VPS53: variants seen among roughly 807,000 people sequenced by gnomAD.
The protein encoded by VPS53 is VPS53 subunit of GARP complex.
VPS53 carries 70 observed loss-of-function variants against 107.0 expected under a neutral mutation model. That is an observed-to-expected ratio of 0.65 (90% CI 0.54 to 0.80). The LOEUF is 0.80. VPS53 is among the 30% of genes least tolerant of loss of function. The probability of loss-of-function intolerance (pLI) is 0.00; values close to 1 mark genes in which losing one functional copy is unlikely to be tolerated. For synonymous variants in VPS53, 409 were observed against 393.3 expected (o/e 1.04, Z -0.47); for missense variants, 917 against 1,049.4 (o/e 0.87, Z 1.74).
rs184824663 is a variant in VPS53 at position 523,866 on chromosome 17, G to A, written c.2086-2128C>T. Among the ~76,000 whole-genome samples the A allele has an allele frequency of 1.9e-3, 294 of 152,308 alleles. 2 individuals are homozygous for A. Among genetic ancestry groups the A allele is most frequent in the African/African-American group, 6.9e-3 (285 of 41,566 alleles). ...GGGGGAATGGCACTGATTGCTCAAG[G>A]CCCACGTGAAGAGCCTGGCGTTAGC... is the stretch of plus-strand genomic sequence containing the variant. On this transcript the variant is annotated intron_variant, in intron 19 of 21. Transcript: ENST00000437048.
rs1008462074 is a variant in VPS53, at chr17:560,454, G to A, written c.1676C>T (p.Ala559Val). 2 of 1,612,504 alleles carry A rather than the reference G, an allele frequency of 1.2e-6. No individual in the cohort carries two copies. Among genetic ancestry groups the A allele is most frequent in the African/African-American group, 2.7e-5 (2 of 74,884 alleles). ...CTGGGTGGTGGCCAGACAGTACTCTGCCGTGCTCAGGATGTTACAGATGAG... is the reference window on the plus strand; with the variant it reads ...CTGGGTGGTGGCCAGACAGTACTCTACCGTGCTCAGGATGTTACAGATGAG... ...LCLICNILST[A>V]EYCLATTQQL... The change falls in exon 15 of 22, where the codon GCA (alanine) becomes GTA (valine). Residue 559 changes from alanine to valine, a missense_variant. Physicochemically the swap from Ala to Val is moderately conservative, Grantham distance 64. Transcript: ENST00000437048.
intron 12 of VPS53, among the ~76,000 whole-genome samples, chr17:601,367 C>A (rs148476057): frequency 6.6e-6 from 1 of 152,196 alleles, no homozygotes; most frequent in African/African-American, 2.4e-5. Flanking sequence ...GGCTTCCAGA[C>A]CTAAAGTGAT....
chr17:668,953 A>G (rs1395499288), intron 4 of VPS53, among the ~76,000 whole-genome samples: 1 of 152,206 alleles, frequency 6.6e-6, no homozygotes, highest in African/African-American at 2.4e-5. Flanking sequence ...TCTCCAAGAT[A>G]GATAAACTAT....
intron 11 of VPS53, among the ~76,000 whole-genome samples, chr17:618,533 T>C (rs1422176972): frequency 6.6e-6 from 1 of 151,040 alleles, no homozygotes; most frequent in Admixed American, 6.6e-5. Context: ...CCTGGGTAGC[T>C]GGGACTACAG....
In VPS53 at chr17:517,220, G is replaced by A. The variant is rs540121807; in HGVS notation, c.*1908C>T. The A allele has an allele frequency of 5.5e-5, 21 of 381,060 alleles. No homozygotes were observed. Among genetic ancestry groups the A allele is most frequent in the Non-Finnish European group, 8.8e-5 (19 of 215,610 alleles). The allele number at this position is 381,060 out of a possible 1,614,324, so 23.6% of individuals were successfully genotyped here. On this transcript the variant is annotated 3_prime_UTR_variant, in exon 22 of 22. Transcript: ENST00000437048. ...CTTTTCCTAATAGACCTCAACTGAAGGCCGCATCTCCTTCTCGCAACACTT... is the reference window on the plus strand; with the variant it reads ...CTTTTCCTAATAGACCTCAACTGAAAGCCGCATCTCCTTCTCGCAACACTT...
chr17:655,549 ACTCTGT>A (rs1971155971), intron 6 of VPS53, among the ~76,000 whole-genome samples: 1 of 151,398 alleles, frequency 6.6e-6, no homozygotes, highest in Admixed American at 6.6e-5. Flanking sequence ...GCCCTGTGTC[ACTCTGT>A]CTGCCTTGAT....
chr17:577,450 C>A lies in VPS53; in HGVS notation c.1313+8820G>T, dbSNP rs970564041. Among the ~76,000 whole-genome samples, 3 of 151,650 alleles carry A rather than the reference C, an allele frequency of 2.0e-5. No individual in the cohort carries two copies. In the East Asian group the frequency reaches 5.8e-4, roughly 30 times the overall value. On this transcript the variant is annotated intron_variant, in intron 13 of 21. Coordinates refer to ENST00000437048, the MANE Select transcript of VPS53 (RefSeq NM_001128159.3). ...TAATGCGTTCCCAGAGAACCCCCAA[C>A]AGAATCTCAGTGCATTACCAGAAAA...
chr17:550,504 G>A (rs898786433), intron 17 of VPS53, among the ~76,000 whole-genome samples: 12 of 152,140 alleles, frequency 7.9e-5, no homozygotes, highest in African/African-American at 2.7e-4. Flanking sequence ...AAAGGAACAT[G>A]GCTGTATTCC....
intron 4 of VPS53, among the ~76,000 whole-genome samples, chr17:676,786 A>G (rs911335221): frequency 3.3e-5 from 5 of 152,168 alleles, no homozygotes; most frequent in African/African-American, 4.8e-5. Flanking sequence ...TTCTAAGGTC[A>G]GGAAGGAAAC....
At chr17:670,765 AG>A (rs1656703644) in intron 4 of VPS53, among the ~76,000 whole-genome samples, 1 of 152,192 alleles carries the variant, frequency 6.6e-6, no homozygotes, top group South Asian at 2.1e-4. Flanking sequence ...GAAGGAGGAA[AG>A]GTTGTTCATT....
At chr17:531,599 A>C (rs1038092363) in intron 19 of VPS53, among the ~76,000 whole-genome samples, 4 of 151,514 alleles carry the variant, frequency 2.6e-5, no homozygotes, top group African/African-American at 9.7e-5. Context: ...GGATTCAAAG[A>C]ATCCTCCGAC....
chr17:639,168 G>A (rs904784023), intron 7 of VPS53, among the ~76,000 whole-genome samples: 2 of 151,960 alleles, frequency 1.3e-5, no homozygotes, highest in African/African-American at 4.8e-5. Flanking sequence ...TCATTCATTC[G>A]ATCTTCAATC....
At chr17:554,656 G>A (rs371978930) in intron 15 of VPS53, among the ~76,000 whole-genome samples, 393 of 152,222 alleles carry the variant, frequency 2.6e-3, no homozygotes, top group Middle Eastern at 6.8e-3. Flanking sequence ...ACCCACCTCC[G>A]TGTCCCAAAG....
chr17:623,456 C>A, intron 11 of VPS53, 77 bp downstream of exon 11: 1 of 1,523,794 alleles, frequency 6.6e-7, no homozygotes, highest in South Asian at 1.3e-5. Flanking sequence ...TGGATAGAGT[C>A]ACCATACAGT....
chr17:596,177 G>C (rs1268931397), intron 12 of VPS53, among the ~76,000 whole-genome samples: 1 of 152,214 alleles, frequency 6.6e-6, no homozygotes, highest in Admixed American at 6.5e-5. Context: ...TGCATGTGAA[G>C]AAGTTTTAGA....
Position 537,086 on chromosome 17 carries a change from G to A in VPS53, c.1957C>T (p.Arg653Cys), listed in dbSNP as rs771442578. The A allele has an allele frequency of 7.4e-6, 12 of 1,614,190 alleles. No individual in the cohort carries two copies. Among genetic ancestry groups the A allele is most frequent in the Admixed American group, 1.7e-5 (1 of 60,028 alleles). ...LHIKQNVPII[R>C]DNLASTRKYF... ...TTGCGTGTGGAAGCCAGGTTGTCAC[G>A]GATGATGGGGACGTTCTGCTTGATG... The change falls in exon 18 of 22, where the codon CGT (arginine) becomes TGT (cysteine). Residue 653 changes from arginine (R) to cysteine (C), a missense_variant. Physicochemically the swap from Arg to Cys is radical, Grantham distance 180. Transcript: ENST00000437048.
intron 11 of VPS53, among the ~76,000 whole-genome samples, chr17:605,891 A>C (rs2143010234): frequency 6.6e-6 from 1 of 152,198 alleles, no homozygotes; most frequent in South Asian, 2.1e-4. Flanking sequence ...TTCTCACTGC[A>C]ATTGGGCAGT....
At chr17:698,672 C>T (rs1973077608) in intron 3 of VPS53, among the ~76,000 whole-genome samples, 2 of 150,296 alleles carry the variant, frequency 1.3e-5, no homozygotes, top group South Asian at 4.2e-4. Context: ...CAGTACGCTC[C>T]AGCCTGGGAC....
At chr17:527,901 C>T (rs1037903842) in intron 19 of VPS53, among the ~76,000 whole-genome samples, 3 of 152,218 alleles carry the variant, frequency 2.0e-5, no homozygotes, top group African/African-American at 7.2e-5. Context: ...CACAAGCCAT[C>T]GCACTTGGCC....
Sources: allele counts gnomAD v4.1 joint callset (sites outside exome capture counted in the v4.1 genomes callset), GRCh38; gene constraint gnomAD v4.1.1; transcripts MANE v1.5; gene names NCBI Gene and HGNC (gene_info 2026-07-23, HGNC 2026-07-21).